Variants in BABAM2 observed in about 807,000 individuals in gnomAD.
BABAM2 encodes the protein BRISC and BRCA1 A complex member 2.
BABAM2 carries 31 observed loss-of-function variants against 54.7 expected under a neutral mutation model. That is an observed-to-expected ratio of 0.57 (90% confidence interval 0.43 to 0.77). BABAM2 has a LOEUF of 0.77. Ranked by LOEUF, BABAM2 falls within the 30% of genes least tolerant of loss-of-function variation. The probability of loss-of-function intolerance (pLI) is 0.00; values close to 1 mark genes in which losing one functional copy is unlikely to be tolerated. For missense variants in BABAM2, 364 were observed against 455.8 expected (o/e 0.80, Z 1.83); for synonymous variants, 167 against 162.9 (o/e 1.03, Z -0.19).
intron 10 of BABAM2, 146 bp from the exon 11 acceptor site, chr2:28,298,192 C>A: frequency 1.2e-6 from 1 of 840,358 alleles, no homozygotes; most frequent in Non-Finnish European, 1.9e-6. Context: ...TGGTGCCTCT[C>A]TATACACCAC....
Position 28,210,446 on chromosome 2 carries a change from GT to G in BABAM2, c.681-26752del, listed in dbSNP as rs1244776957. ...ACTTCCTGAAAGGCTAGGGTGTAGA[GT>G]TTTCATCGAGGTATGGTGATGGTTG... On this transcript the variant is annotated intron_variant, in intron 7 of 11. Transcript: ENST00000379624. Among the ~76,000 whole-genome samples, 4 of 152,214 alleles carry G rather than the reference GT, an allele frequency of 2.6e-5. No homozygotes were observed. The South Asian group carries it at 6.2e-4, about 24-fold the overall frequency.
At chr2:28,096,067 CGTT>C (rs1666593509) in intron 6 of BABAM2, among the ~76,000 whole-genome samples, 1 of 151,966 alleles carries the variant, frequency 6.6e-6, no homozygotes, top group Non-Finnish European at 1.5e-5. Flanking sequence ...TCCCTGTACT[CGTT>C]GTCTTTCCCT....
intron 10 of BABAM2, among the ~76,000 whole-genome samples, chr2:28,262,982 G>A (rs1339995470): frequency 1.3e-5 from 2 of 152,006 alleles, no homozygotes; most frequent in Non-Finnish European, 2.9e-5. Context: ...ACTGAAAGAG[G>A]CTTTGGGCAG....
chr2:28,332,291 C>T (rs1049340392), intron 11 of BABAM2, among the ~76,000 whole-genome samples: 2 of 152,018 alleles, frequency 1.3e-5, no homozygotes, highest in African/African-American at 4.8e-5. Flanking sequence ...ACGTGGATCC[C>T]GGAACTTTTT....
intron 11 of BABAM2, among the ~76,000 whole-genome samples, chr2:28,311,386 G>A (rs546694303): frequency 7.3e-4 from 111 of 152,230 alleles, no homozygotes; most frequent in Non-Finnish European, 1.3e-3. Context: ...TTAGGGTCAC[G>A]TATTCTCTTT....
intron 3 of BABAM2, among the ~76,000 whole-genome samples, chr2:27,942,032 T>G (rs1668926870): frequency 6.6e-6 from 1 of 151,932 alleles, no homozygotes; most frequent in African/African-American, 2.4e-5. Context: ...GCTGCTGCTT[T>G]TGTGTGTGTG....
intron 10 of BABAM2, among the ~76,000 whole-genome samples, chr2:28,270,140 G>C (rs1045592572): frequency 1.3e-5 from 2 of 151,514 alleles, no homozygotes; most frequent in African/African-American, 2.4e-5. Flanking sequence ...TTTTTTTTAA[G>C]AGACAGGGTC....
At chr2:28,050,169 G>T (rs1677895109) in intron 6 of BABAM2, among the ~76,000 whole-genome samples, 1 of 152,210 alleles carries the variant, frequency 6.6e-6, no homozygotes, top group Non-Finnish European at 1.5e-5. Context: ...TTAAAAAGGA[G>T]CCCAGAATCT....
At chr2:28,222,335 T>C (rs1340218319) in intron 7 of BABAM2, among the ~76,000 whole-genome samples, 1 of 152,180 alleles carries the variant, frequency 6.6e-6, no homozygotes, top group Admixed American at 6.5e-5. Context: ...GTCGGGGTCC[T>C]TAACCTTTAT....
intron 7 of BABAM2, among the ~76,000 whole-genome samples, chr2:28,235,646 T>TTTG (rs1681834711): frequency 2.0e-5 from 3 of 151,600 alleles, no homozygotes; most frequent in African/African-American, 7.3e-5. Context: ...TAAACTCTTT[T>TTTG]TTTGTTTGTT....
chr2:28,320,362 C>T (rs1439552121), intron 11 of BABAM2, among the ~76,000 whole-genome samples: 2 of 152,214 alleles, frequency 1.3e-5, no homozygotes, highest in African/African-American at 2.4e-5. Context: ...CTGCGCCCAT[C>T]GCTTCTTCTC....
intron 3 of BABAM2, among the ~76,000 whole-genome samples, chr2:27,967,610 C>A (rs1330642600): frequency 6.6e-6 from 1 of 152,092 alleles, no homozygotes; most frequent in African/African-American, 2.4e-5. Context: ...GGGTAACAGG[C>A]AGAGATTGGA....
intron 7 of BABAM2, among the ~76,000 whole-genome samples, chr2:28,226,093 T>A (rs1308440335): frequency 2.0e-5 from 3 of 152,228 alleles, no homozygotes; most frequent in Non-Finnish European, 4.4e-5. Flanking sequence ...AAAAATTACA[T>A]GAAACTTGAA....
chr2:28,304,649 T>C lies in BABAM2; in HGVS notation c.1088+6158T>C, dbSNP rs1362341649. ...TGGAATGCAGTGGCATTATCTTGGC[T>C]CACTGCAACCTCACCTCCCAGGTTC... On this transcript the variant is annotated intron_variant, in intron 11 of 11. Coordinates refer to ENST00000379624, the MANE Select transcript of BABAM2 (RefSeq NM_199191.3). The surrounding 1 kb of genome is among the most constrained non-coding windows in gnomAD (Gnocchi z 4.0). 2.0e-5 allele frequency among the ~76,000 whole-genome samples: 3 copies of C among 152,150 alleles called. No individual in the cohort carries two copies. Among genetic ancestry groups the C allele is most frequent in the African/African-American group, 7.2e-5 (3 of 41,434 alleles).
chr2:28,037,461 A>G (rs1041927038), intron 5 of BABAM2, among the ~76,000 whole-genome samples: 2 of 152,138 alleles, frequency 1.3e-5, no homozygotes, highest in African/African-American at 2.4e-5. Flanking sequence ...TCTGAACTCT[A>G]TTATTGGATA....
At chr2:28,259,052 G>A (rs1684251401) in intron 10 of BABAM2, among the ~76,000 whole-genome samples, 1 of 126,744 alleles carries the variant, frequency 7.9e-6, no homozygotes, top group Non-Finnish European at 1.6e-5. Flanking sequence ...TAGGATTACA[G>A]GCTTCAGCCA....
chr2:28,070,404 C>T (rs1219131152), intron 6 of BABAM2, among the ~76,000 whole-genome samples: 1 of 152,142 alleles, frequency 6.6e-6, no homozygotes, highest in African/African-American at 2.4e-5. Flanking sequence ...TCATGTCTCA[C>T]CTCCAATGGC....
chr2:27,953,033 T>C (rs1199774624), intron 3 of BABAM2, among the ~76,000 whole-genome samples: 1 of 152,100 alleles, frequency 6.6e-6, no homozygotes, highest in Non-Finnish European at 1.5e-5. Context: ...TCTCTCTCTC[T>C]TTTTTTGAAA....
At chr2:28,288,955 GGTT>G (rs201993848) in intron 10 of BABAM2, among the ~76,000 whole-genome samples, 3 of 151,118 alleles carry the variant, frequency 2.0e-5, no homozygotes, top group African/African-American at 7.3e-5. Context: ...ACCCACTGTG[GGTT>G]GTTGTTTTTT....
Sources: allele counts gnomAD v4.1 joint callset (sites outside exome capture counted in the v4.1 genomes callset), GRCh38; gene constraint gnomAD v4.1.1; non-coding constraint Gnocchi (gnomAD v3.1); transcripts MANE v1.5; gene names NCBI Gene and HGNC (gene_info 2026-07-23, HGNC 2026-07-21).